PIEZO2: variants seen among roughly 807,000 people sequenced by gnomAD.
PIEZO2 encodes piezo type mechanosensitive ion channel component 2, also known as piezo-type mechanosensitive ion channel component 2.
A neutral mutation model predicts 337.3 loss-of-function variants in PIEZO2; 172 were observed. The ratio of observed to expected loss-of-function variants is 0.51; its 90% CI spans 0.45 to 0.58. The LOEUF (loss-of-function observed/expected upper bound fraction) is 0.58. Ranked by LOEUF, PIEZO2 falls within the 20% of genes least tolerant of loss-of-function variation. PIEZO2 has a pLI of 0.00. For synonymous variants in PIEZO2, 1,251 were observed against 1,228.5 expected, an observed-to-expected ratio of 1.02 and a Z score of -0.38; for missense variants, 3,028 against 3,391.3, an observed-to-expected ratio of 0.89 and a Z score of 2.66.
At chr18:10,702,260 A>G (rs1215024916) in intron 42 of PIEZO2, 89 bp from the exon 43 acceptor site, 4 of 1,265,140 alleles carry the variant, frequency 3.2e-6, no homozygotes, top group Non-Finnish European at 4.3e-6. Flanking sequence ...AACAATTAAG[A>G]AAGAGACCCG....
intron 11 of PIEZO2, among the ~76,000 whole-genome samples, chr18:10,799,867 G>T (rs1017072986): frequency 6.6e-6 from 1 of 151,938 alleles, no homozygotes; most frequent in African/African-American, 2.4e-5. Context: ...CAACTACTAG[G>T]GAGGCTGAGG....
intron 7 of PIEZO2, among the ~76,000 whole-genome samples, chr18:10,817,833 G>C (rs1244619283): frequency 6.6e-6 from 1 of 150,574 alleles, no homozygotes; most frequent in Non-Finnish European, 1.5e-5. Flanking sequence ...TGAGGCAGGA[G>C]AATCACTTGA....
In PIEZO2 at chr18:10,795,058, C is replaced by A. The variant is rs75331492; in HGVS notation, c.1528-56G>T. The A allele has an allele frequency of 8.2e-4, 1,135 of 1,390,352 alleles. 7 individuals are homozygous for A. The African/African-American group carries it at 0.015, about 18-fold the overall frequency. The allele number at this position is 1,390,352 out of a possible 1,614,324, so 86.1% of individuals were successfully genotyped here. On this transcript the variant is annotated intron_variant, in intron 12 of 55. Coordinates refer to ENST00000674853, the MANE Select transcript of PIEZO2 (RefSeq NM_001378183.1). The surrounding 1 kb of genome is among the most constrained non-coding windows in gnomAD (Gnocchi z 4.4). ...TGGTCAATACAATGCTCAGTCCCCC[C>A]CGCCCTGGTAAGGTAAAAACTATCT...
chr18:10,938,953 G>A (rs2032559741), intron 3 of PIEZO2, among the ~76,000 whole-genome samples: 1 of 152,080 alleles, frequency 6.6e-6, no homozygotes, highest in South Asian at 2.1e-4. Flanking sequence ...CAGGTGTGGT[G>A]GCAGGCACCT....
chr18:10,947,880 A>G (rs1367011447), intron 3 of PIEZO2, among the ~76,000 whole-genome samples: 1 of 152,246 alleles, frequency 6.6e-6, no homozygotes, highest in African/African-American at 2.4e-5. Context: ...GAAGTGGTTT[A>G]GTATTACCTG....
chr18:10,877,748 G>C lies in PIEZO2; in HGVS notation c.330-6333C>G, dbSNP rs181549704. ...CAGCCAGGCCTCCACATTAATATCA[G>C]AGTTTAGTTTTTAGCAGCATAAAGC... On this transcript the variant is annotated intron_variant, in intron 4 of 55. Transcript: ENST00000674853. The surrounding 1 kb of genome is among the most constrained non-coding windows in gnomAD (Gnocchi z 5.3). Among the ~76,000 whole-genome samples the C allele has an allele frequency of 1.3e-5, 2 of 152,198 alleles. No individual in the cohort carries two copies. Among genetic ancestry groups the C allele is most frequent in the Admixed American group, 1.3e-4 (2 of 15,280 alleles).
At chr18:10,702,775 A>G (rs1227846308) in intron 42 of PIEZO2, among the ~76,000 whole-genome samples, 1 of 152,266 alleles carries the variant, frequency 6.6e-6, no homozygotes, top group Non-Finnish European at 1.5e-5. Flanking sequence ...GTAAATCAAC[A>G]TCAAGAATTT....
intron 39 of PIEZO2, among the ~76,000 whole-genome samples, chr18:10,710,682 A>G (rs1043119478): frequency 6.6e-6 from 1 of 152,230 alleles, no homozygotes; most frequent in South Asian, 2.1e-4. Flanking sequence ...AGCAGGGGCC[A>G]TGAAGGGCAC....
chr18:11,125,992 CCA>C lies in PIEZO2; in HGVS notation c.64+22531_64+22532del, dbSNP rs2040170823. 6.6e-6 allele frequency among the ~76,000 whole-genome samples: 1 copy of C among 152,290 alleles called. No homozygotes were observed. The highest frequency in any genetic ancestry group is 1.5e-5 in the Non-Finnish European group (1 of 68,026). On this transcript the variant is annotated intron_variant, in intron 1 of 55. Coordinates refer to ENST00000674853, the MANE Select transcript of PIEZO2 (RefSeq NM_001378183.1). This position sits in a 1 kb window ranked among gnomAD's most constrained non-coding sequence, Gnocchi z 4.4. ...AAGTAGCACGTGACTGTGGTTTTAT[CCA>C]GAGTGTTGTCAAAGCATGCATAATG... is the stretch of plus-strand genomic sequence containing the variant.
At chr18:11,042,484 ACAT>A (rs1476763754) in intron 2 of PIEZO2, among the ~76,000 whole-genome samples, 1 of 152,238 alleles carries the variant, frequency 6.6e-6, no homozygotes, top group African/African-American at 2.4e-5. Flanking sequence ...GAATGAATAA[ACAT>A]CACCAGTGAC....
In PIEZO2 at chr18:10,713,656, AG is replaced by A. The variant is rs1176222111; in HGVS notation, c.5423+1107del. On this transcript the variant is annotated intron_variant, in intron 39 of 55. Transcript: ENST00000674853. The surrounding 1 kb of genome is among the most constrained non-coding windows in gnomAD (Gnocchi z 4.5). ...AGTTCTTCCTAGGCTCAAACCATTT[AG>A]GGGATTACTCTTATCTTTATATGCC... Among the ~76,000 whole-genome samples, 1 of 152,204 alleles carries A rather than the reference AG, an allele frequency of 6.6e-6. No individual in the cohort carries two copies. The highest frequency in any genetic ancestry group is 1.5e-5 in the Non-Finnish European group (1 of 68,028).
In PIEZO2 at chr18:10,929,995, A is replaced by C. The variant is rs1217354841; in HGVS notation, c.287-18767T>G. 6.6e-6 allele frequency among the ~76,000 whole-genome samples: 1 copy of C among 152,188 alleles called. No homozygotes were observed. Among genetic ancestry groups the C allele is most frequent in the Admixed American group, 6.5e-5 (1 of 15,280 alleles). ...CACCACGGACCAGCATTAACATTAA[A>C]ACAGAGATCCTAAGACTGACAGAAC... On this transcript the variant is annotated intron_variant, in intron 3 of 55. Transcript: ENST00000674853. The surrounding 1 kb of genome is among the most constrained non-coding windows in gnomAD (Gnocchi z 5.6).
In PIEZO2 at chr18:10,807,268, A is replaced by T; in HGVS notation, c.924T>A (p.Phe308Leu). 1 of 1,534,220 alleles carries T rather than the reference A, an allele frequency of 6.5e-7. No homozygotes were observed. The change falls in exon 8 of 56, where the codon TTT (phenylalanine) becomes TTA (leucine). Residue 308 changes from phenylalanine (F) to leucine (L), a missense_variant. Physicochemically the swap from Phe to Leu is conservative, Grantham distance 22 (BLOSUM62 0). Coordinates refer to ENST00000674853, the MANE Select transcript of PIEZO2 (RefSeq NM_001378183.1). ...VPPNDYYARL[F>L]GIKSVIQTDC... The stretch of plus-strand genomic sequence containing the variant: ...CCGTTTGAATTACTGACTTGATACC[A>T]AACAACCTGTTAAAAAACAAAGAAA...
Position 10,726,396 on chromosome 18 carries a change from G to A in PIEZO2, c.5029+5011C>T. On this transcript the variant is annotated intron_variant, in intron 36 of 55. Coordinates refer to ENST00000674853, the MANE Select transcript of PIEZO2 (RefSeq NM_001378183.1). This position sits in a 1 kb window ranked among gnomAD's most constrained non-coding sequence, Gnocchi z 5.9. ...CCACTACCTGCGGGGCGGTAACAAC[G>A]CGCGCCAGCCGTGGCACAACGCGGA... 2 of 1,525,478 alleles carry A rather than the reference G, an allele frequency of 1.3e-6. No individual in the cohort carries two copies. Among genetic ancestry groups the A allele is most frequent in the Non-Finnish European group, 1.7e-6 (2 of 1,143,190 alleles). The allele number at this position is 1,525,478 out of a possible 1,614,324, so 94.5% of individuals were successfully genotyped here.
chr18:11,144,207 A>G (rs938793985), intron 1 of PIEZO2, among the ~76,000 whole-genome samples: 3 of 152,250 alleles, frequency 2.0e-5, no homozygotes, highest in Non-Finnish European at 2.9e-5. Flanking sequence ...CCCACAGCTC[A>G]GGAGACAACA....
At chr18:10,807,923 TTTC>T (rs1329369907) in intron 7 of PIEZO2, among the ~76,000 whole-genome samples, 2 of 152,230 alleles carry the variant, frequency 1.3e-5, no homozygotes, top group African/African-American at 4.8e-5. Context: ...TTTATGCTGA[TTTC>T]TACTAATCAG....
intron 49 of PIEZO2, 122 bp downstream of exon 49, chr18:10,689,533 T>G: frequency 7.7e-7 from 1 of 1,297,724 alleles, no homozygotes; most frequent in Non-Finnish European, 1.1e-6. Context: ...ACTGGGACAT[T>G]TATAGGTTGT....
chr18:10,722,231 C>CTT (rs546174129), intron 36 of PIEZO2, among the ~76,000 whole-genome samples: 20 of 140,948 alleles, frequency 1.4e-4, no homozygotes, highest in Non-Finnish European at 2.3e-4. Context: ...GGAGGAGAGA[C>CTT]TTTTTTTTTT....
chr18:11,018,382 CGTGT>C (rs376013388), intron 2 of PIEZO2, among the ~76,000 whole-genome samples: 43,503 of 113,488 alleles, frequency 0.38, 8,337 homozygotes, highest in Non-Finnish European at 0.43. Flanking sequence ...CCCAACATGT[CGTGT>C]GTGTGTGTGT....
Sources: allele counts gnomAD v4.1 joint callset (sites outside exome capture counted in the v4.1 genomes callset), GRCh38; gene constraint gnomAD v4.1.1; non-coding constraint Gnocchi (gnomAD v3.1); transcripts MANE v1.5; gene names NCBI Gene and HGNC (gene_info 2026-07-23, HGNC 2026-07-21).